Variants in APCDD1L observed in about 807,000 individuals in gnomAD.
APCDD1L encodes protein APCDD1-like.
Under a neutral mutation model 24.2 loss-of-function variants are expected in APCDD1L, and 21 were observed. The observed-to-expected ratio is 0.87, with a 90% CI of 0.61 to 1.25. The LOEUF is 1.25. Among genes scored for constraint, APCDD1L ranks in the 50% most tolerant of loss-of-function variants. The probability of loss-of-function intolerance (pLI) is 0.00; values close to 1 mark genes in which losing one functional copy is unlikely to be tolerated. For missense variants in APCDD1L, 704 were observed against 711.7 expected, an observed-to-expected ratio of 0.99 and a Z score of 0.12; for synonymous variants, 321 against 323.6, an observed-to-expected ratio of 0.99 and a Z score of 0.09.
chr20:58,504,839 C>T (rs1291787137), intron 1 of APCDD1L, among the ~76,000 whole-genome samples: 2 of 152,194 alleles, frequency 1.3e-5, no homozygotes, highest in Non-Finnish European at 2.9e-5. Context: ...CCCAGGACCC[C>T]CAGTTCTGTA....
At chr20:58,505,962 A>G (rs538142477) in intron 1 of APCDD1L, among the ~76,000 whole-genome samples, 1 of 152,168 alleles carries the variant, frequency 6.6e-6, no homozygotes, top group Non-Finnish European at 1.5e-5. Flanking sequence ...GGCAAATACC[A>G]GAAGCTGGAA....
chr20:58,495,489 T>G (rs1268353387), intron 1 of APCDD1L, among the ~76,000 whole-genome samples: 6 of 152,148 alleles, frequency 3.9e-5, no homozygotes, highest in Non-Finnish European at 8.8e-5. Flanking sequence ...GCTGCCTCCT[T>G]GAGCCCCAGA....
intron 1 of APCDD1L, among the ~76,000 whole-genome samples, chr20:58,492,446 C>T (rs910857569): frequency 2.0e-5 from 3 of 152,166 alleles, no homozygotes; most frequent in Admixed American, 6.5e-5. Context: ...ACGTCAAATG[C>T]ATTAATAGTC....
Position 58,460,665 on chromosome 20 carries a change from C to T in APCDD1L, c.*125G>A. 4 of 1,228,782 alleles carry T rather than the reference C, an allele frequency of 3.3e-6. No homozygotes were observed. The highest frequency in any genetic ancestry group is 4.3e-6 in the Non-Finnish European group (4 of 920,472). 76.1% of individuals were successfully genotyped at this position (1,228,782 alleles called of 1,614,324 possible). ...ATGGGACACAGGCAGAGTTTGGAAG[C>T]AGTGGGGCTGTGCATCCATCCATGA... On this transcript the variant is annotated 3_prime_UTR_variant, in exon 4 of 4. Coordinates refer to ENST00000371149, the MANE Select transcript of APCDD1L (RefSeq NM_153360.3). This position sits in a 1 kb window ranked among gnomAD's most constrained non-coding sequence, Gnocchi z 4.2.
intron 1 of APCDD1L, among the ~76,000 whole-genome samples, chr20:58,493,480 A>G (rs1990262974): frequency 6.6e-6 from 1 of 152,256 alleles, no homozygotes; most frequent in South Asian, 2.1e-4. Flanking sequence ...AGAGAAAAAT[A>G]ACTTGCAGCT....
chr20:58,514,129 T>C, intron 1 of APCDD1L: 1 of 375,042 alleles, frequency 2.7e-6, no homozygotes, highest in Non-Finnish European at 4.7e-6. Context: ...AGCCCCTTGG[T>C]CCCCTTTGTC....
At chr20:58,462,739 G>A (rs1476652009) in intron 3 of APCDD1L, among the ~76,000 whole-genome samples, 2 of 151,802 alleles carry the variant, frequency 1.3e-5, no homozygotes, top group East Asian at 3.9e-4. Flanking sequence ...AGCTACTCAG[G>A]AGGCTGAGGT....
intron 1 of APCDD1L, among the ~76,000 whole-genome samples, chr20:58,498,381 G>C (rs1278494717): frequency 6.6e-6 from 1 of 152,202 alleles, no homozygotes; most frequent in Non-Finnish European, 1.5e-5. Context: ...CGGTAATTGA[G>C]AACCTATTAA....
chr20:58,513,895 C>T (rs1284401409), intron 1 of APCDD1L: 3 of 1,304,102 alleles, frequency 2.3e-6, no homozygotes, highest in Non-Finnish European at 2.0e-6. Context: ...GAATTCTCAG[C>T]CATTCATAAT....
intron 1 of APCDD1L, among the ~76,000 whole-genome samples, chr20:58,478,818 G>A (rs1049619922): frequency 2.0e-5 from 3 of 151,972 alleles, no homozygotes; most frequent in Non-Finnish European, 4.4e-5. Flanking sequence ...TCTGGCTGAG[G>A]GCAAAAGGGT....
rs1989594754 is a variant in APCDD1L at position 58,461,208 on chromosome 20, A to G, written c.1088T>C (p.Met363Thr). 1.9e-6 allele frequency: 3 copies of G among 1,613,620 alleles called. No homozygotes were observed. The highest frequency in any genetic ancestry group is 1.7e-6 in the Non-Finnish European group (2 of 1,179,866). ...GAGCATGGCCGTGGTGACCTGGTCC[A>G]TGGGGGTCACATGGGCCCGTGTGAC... ...FEVTRAHVTP[M>T]DQVTTAMLNF... The change falls in exon 4 of 4, where the codon ATG becomes ACG. Residue 363 changes from methionine to threonine, a missense_variant. Physicochemically the swap from Met to Thr is moderately conservative, Grantham distance 81. Transcript: ENST00000371149. This position sits in a 1 kb window ranked among gnomAD's most constrained non-coding sequence, Gnocchi z 6.0.
At chr20:58,493,763 C>T (rs1990267846) in intron 1 of APCDD1L, among the ~76,000 whole-genome samples, 2 of 152,174 alleles carry the variant, frequency 1.3e-5, no homozygotes, top group African/African-American at 4.8e-5. Context: ...AAGACATGGG[C>T]AACGTTGTGC....
intron 2 of APCDD1L, among the ~76,000 whole-genome samples, chr20:58,468,342 G>A (rs1989755271): frequency 6.6e-6 from 1 of 152,120 alleles, no homozygotes; most frequent in Non-Finnish European, 1.5e-5. Flanking sequence ...CTTGGCCCCA[G>A]ACTCCATTTG....
intron 1 of APCDD1L, among the ~76,000 whole-genome samples, chr20:58,473,521 G>A (rs979121116): frequency 5.3e-5 from 8 of 152,308 alleles, no homozygotes; most frequent in Middle Eastern, 3.4e-3. Context: ...TTGCAAAAAC[G>A]AAATTAACCA....
At chr20:58,493,794 C>T (rs1197773643) in intron 1 of APCDD1L, among the ~76,000 whole-genome samples, 1 of 152,178 alleles carries the variant, frequency 6.6e-6, no homozygotes, top group Non-Finnish European at 1.5e-5. Context: ...GAGGGCTGGG[C>T]TCACGGGTGT....
intron 3 of APCDD1L, among the ~76,000 whole-genome samples, chr20:58,463,190 C>T (rs1467110441): frequency 6.7e-6 from 1 of 149,632 alleles, no homozygotes; most frequent in Non-Finnish European, 1.5e-5. Flanking sequence ...AAGCCCATTG[C>T]TTAAGTCTGC....
rs1199641597 is a variant in APCDD1L at position 58,494,436 on chromosome 20, C to T, written c.49+20223G>A. Among the ~76,000 whole-genome samples, 1 of 152,094 alleles carries T rather than the reference C, an allele frequency of 6.6e-6. No homozygotes were observed. Among genetic ancestry groups the T allele is most frequent in the African/African-American group, 2.4e-5 (1 of 41,412 alleles). ...CAGCCTCAAACTCCCCGGCTCAAGCCATCCTCTGGCCTCAGCCTCCTGAGT... is the reference window on the plus strand; with the variant it reads ...CAGCCTCAAACTCCCCGGCTCAAGCTATCCTCTGGCCTCAGCCTCCTGAGT... On this transcript the variant is annotated intron_variant, in intron 1 of 3. Coordinates refer to ENST00000371149, the MANE Select transcript of APCDD1L (RefSeq NM_153360.3). The surrounding 1 kb of genome is among the most constrained non-coding windows in gnomAD (Gnocchi z 4.8).
At chr20:58,464,497 G>T (rs1411553645) in intron 3 of APCDD1L, among the ~76,000 whole-genome samples, 1 of 152,158 alleles carries the variant, frequency 6.6e-6, no homozygotes, top group Non-Finnish European at 1.5e-5. Context: ...AATAAACAAA[G>T]CCCCCAGCCA....
rs1054133943 is a variant in APCDD1L at position 58,497,319 on chromosome 20, C to G, written c.49+17340G>C. 1.3e-5 allele frequency among the ~76,000 whole-genome samples: 2 copies of G among 152,122 alleles called. No individual in the cohort carries two copies. The highest frequency in any genetic ancestry group is 2.9e-5 in the Non-Finnish European group (2 of 68,008). ...AGCTGCCCTGGAAAGTGGGTTCTCC[C>G]TGGGGGAGTCTCCCTGCCATGGGGA... is the stretch of plus-strand genomic sequence containing the variant. On this transcript the variant is annotated intron_variant, in intron 1 of 3. Transcript: ENST00000371149. This position sits in a 1 kb window ranked among gnomAD's most constrained non-coding sequence, Gnocchi z 4.3.
Sources: gnomAD v4.1 joint callset for allele counts (sites outside exome capture counted in the v4.1 genomes callset) on GRCh38, gnomAD v4.1.1 for gene constraint, Gnocchi (gnomAD v3.1) non-coding constraint, MANE v1.5 for transcripts, NCBI Gene and HGNC (gene_info 2026-07-23, HGNC 2026-07-21) for gene names.